Variants in DMD observed in about 807,000 individuals in gnomAD.
The protein encoded by DMD is mutant dystrophin.
In DMD, 63 loss-of-function variants were observed where a neutral mutation model predicts 330.1. That is an observed-to-expected ratio of 0.19 (90% CI 0.16 to 0.24). The LOEUF is 0.24. DMD is among the 10% of genes least tolerant of loss of function. The pLI is 1.00. For missense variants in DMD, 3,344 were observed against 2,684.1 expected, an observed-to-expected ratio of 1.25 and a Z score of -5.43; for synonymous variants, 1,223 against 959.8, an observed-to-expected ratio of 1.27 and a Z score of -5.07.
At chrX:31,628,685 C>T (rs2078977460) in intron 54 of DMD, among the ~76,000 whole-genome samples, 1 of 109,984 alleles carries the variant, frequency 9.1e-6, no homozygotes, top group African/African-American at 3.3e-5. Flanking sequence ...TGGCAAGTTC[C>T]CTCTCTGATT....
chrX:32,842,538 C>T (rs776814862), intron 4 of DMD, among the ~76,000 whole-genome samples: 1 of 91,141 alleles, frequency 1.1e-5, no homozygotes, highest in Non-Finnish European at 2.0e-5. Flanking sequence ...CAAGTAAGAC[C>T]CCCCCCATAC....
At chrX:31,233,929 A>G (rs758760984) in intron 63 of DMD, among the ~76,000 whole-genome samples, 49 of 111,896 alleles carry the variant, frequency 4.4e-4, no homozygotes, top group Admixed American at 3.6e-3. Flanking sequence ...GTTTGGGCTC[A>G]CATAATGGTT....
chrX:33,020,866 G>A (rs1285492737), intron 1 of DMD, among the ~76,000 whole-genome samples: 1 of 110,569 alleles, frequency 9.0e-6, no homozygotes, highest in Admixed American at 9.7e-5. Flanking sequence ...CTTTCCCCAT[G>A]CCATCCACCC....
chrX:33,085,877 G>A (rs751391456), intron 1 of DMD: 7 of 111,873 alleles, frequency 6.3e-5, no homozygotes, highest in Non-Finnish European at 1.1e-4. Context: ...AATTGGCATA[G>A]CATTACACTA....
chrX:32,141,197 G>A (rs1470698663), intron 44 of DMD, among the ~76,000 whole-genome samples: 1 of 108,933 alleles, frequency 9.2e-6, no homozygotes, highest in Non-Finnish European at 1.9e-5. Context: ...AGGCTGAGTC[G>A]GGTGGATGAC....
chrX:32,380,381 A>C, intron 34 of DMD, 129 bp downstream of exon 34: 1 of 660,183 alleles, frequency 1.5e-6, no homozygotes, highest in Non-Finnish European at 2.3e-6. Flanking sequence ...ATTAATTTTT[A>C]AGAAAGGGAA....
chrX:32,339,591 T>A (rs2148797109), intron 41 of DMD, among the ~76,000 whole-genome samples: 1 of 111,764 alleles, frequency 8.9e-6, no homozygotes, highest in South Asian at 3.7e-4. Flanking sequence ...TCAGTCCTTT[T>A]CTGAGCTTTA....
At chrX:31,380,740 T>A (rs1481229161) in intron 60 of DMD, among the ~76,000 whole-genome samples, 1 of 110,511 alleles carries the variant, frequency 9.0e-6, no homozygotes, top group Non-Finnish European at 1.9e-5. Flanking sequence ...ATTATTCTGT[T>A]CTGGATCTCA....
chrX:31,372,846 TA>T (rs941766563), intron 60 of DMD, among the ~76,000 whole-genome samples: 7 of 110,965 alleles, frequency 6.3e-5, no homozygotes, highest in Non-Finnish European at 9.4e-5. Context: ...GAGAAGGAAA[TA>T]AAGGGTATTC....
At chrX:32,174,926 A>C (rs749849131) in intron 44 of DMD, among the ~76,000 whole-genome samples, 2 of 111,600 alleles carry the variant, frequency 1.8e-5, no homozygotes, top group South Asian at 7.5e-4. Flanking sequence ...TTTAAGGGGA[A>C]TATATAGAGA....
intron 44 of DMD, among the ~76,000 whole-genome samples, chrX:32,069,071 A>G (rs888364948): frequency 1.8e-5 from 2 of 111,725 alleles, no homozygotes; most frequent in Non-Finnish European, 3.8e-5. Context: ...GGGGGACGTA[A>G]TTATGGTTTG....
chrX:32,832,570 A>G (rs1269921551), intron 4 of DMD, among the ~76,000 whole-genome samples: 2 of 111,540 alleles, frequency 1.8e-5, no homozygotes, highest in Non-Finnish European at 3.8e-5. Flanking sequence ...CAAGCTAAAG[A>G]CTTCTCCATA....
intron 1 of DMD, among the ~76,000 whole-genome samples, chrX:33,034,317 T>A (rs1251966736): frequency 8.9e-6 from 1 of 111,788 alleles, no homozygotes; most frequent in Non-Finnish European, 1.9e-5. Context: ...GAGCGCCTAC[T>A]AAACGAATTA....
intron 2 of DMD, among the ~76,000 whole-genome samples, chrX:32,949,346 A>AGGTAGG (rs1315287429): frequency 2.0e-4 from 8 of 40,641 alleles, no homozygotes; most frequent in Non-Finnish European, 2.2e-4. Flanking sequence ...AGGTAGGTAG[A>AGGTAGG]TAGATAGATA....
intron 55 of DMD, among the ~76,000 whole-genome samples, chrX:31,517,918 AACACACACACACACACAC>A (rs372551324): frequency 1.8e-4 from 16 of 89,637 alleles, no homozygotes; most frequent in South Asian, 6.5e-4. Flanking sequence ...CTGTGTTTCA[AACACACACACACACACAC>A]ACACACACAC....
intron 7 of DMD, among the ~76,000 whole-genome samples, chrX:32,771,656 T>C (rs1308148344): frequency 9.0e-6 from 1 of 111,505 alleles, no homozygotes; most frequent in Non-Finnish European, 1.9e-5. Flanking sequence ...ATTGGTTAAA[T>C]ATAACTAAAT....
At chrX:32,653,438 T>C (rs2060315281) in intron 9 of DMD, among the ~76,000 whole-genome samples, 1 of 112,007 alleles carries the variant, frequency 8.9e-6, no homozygotes, top group Admixed American at 9.5e-5. Flanking sequence ...TGCTTGTTTT[T>C]CTCAGGTTTG....
At chrX:31,868,139 C>T (rs1311936222) in intron 48 of DMD, among the ~76,000 whole-genome samples, 1 of 111,865 alleles carries the variant, frequency 8.9e-6, no homozygotes, top group East Asian at 2.8e-4. Context: ...TTATGAAACT[C>T]TGTGAAGAAG....
At chrX:32,593,450 G>A (rs1354372537) in intron 13 of DMD, among the ~76,000 whole-genome samples, 2 of 111,426 alleles carry the variant, frequency 1.8e-5, no homozygotes, top group South Asian at 3.8e-4. Context: ...CATGTACCAA[G>A]AGCGCAGTTC....
Sources: allele counts gnomAD v4.1 joint callset (sites outside exome capture counted in the v4.1 genomes callset), GRCh38; gene constraint gnomAD v4.1.1; transcripts MANE v1.5; gene names NCBI Gene and HGNC (gene_info 2026-07-23, HGNC 2026-07-21).